Variants in PLXNA4 observed in about 807,000 individuals in gnomAD.
The protein encoded by PLXNA4 is plexin A4.
In PLXNA4, 44 loss-of-function variants were observed where a neutral mutation model predicts 191.8. The observed-to-expected ratio is 0.23, with a 90% confidence interval of 0.18 to 0.29. The LOEUF (loss-of-function observed/expected upper bound fraction) is 0.29, where lower values mean the gene tolerates loss of function less well. Ranked by LOEUF, PLXNA4 falls within the 10% of genes least tolerant of loss-of-function variation. The pLI is 1.00. For synonymous variants in PLXNA4, 1,082 were observed against 1,009.5 expected (o/e 1.07, Z -1.36); for missense variants, 1,800 against 2,488.8 (o/e 0.72, Z 5.89).
At chr7:132,281,326 A>G (rs936631389) in intron 4 of PLXNA4, among the ~76,000 whole-genome samples, 2 of 152,182 alleles carry the variant, frequency 1.3e-5, no homozygotes, top group Admixed American at 1.3e-4. Context: ...TCATGCACCA[A>G]TTATGTGAAG....
intron 3 of PLXNA4, among the ~76,000 whole-genome samples, chr7:132,469,891 T>C (rs1796868609): frequency 6.6e-6 from 1 of 152,222 alleles, no homozygotes; most frequent in Non-Finnish European, 1.5e-5. Flanking sequence ...ACAGTTTCCC[T>C]TGATCAGTAA....
At chr7:132,322,818 G>T (rs1399368456) in intron 3 of PLXNA4, among the ~76,000 whole-genome samples, 1 of 152,184 alleles carries the variant, frequency 6.6e-6, no homozygotes, top group African/African-American at 2.4e-5. Flanking sequence ...AGATGCTCAG[G>T]AAGAAAGGGA....
At chr7:132,260,676 A>T (rs1227242285) in intron 4 of PLXNA4, among the ~76,000 whole-genome samples, 1 of 137,168 alleles carries the variant, frequency 7.3e-6, no homozygotes, top group Non-Finnish European at 1.5e-5. Flanking sequence ...AATAAAAATT[A>T]AAAAAAAAAA....
intron 3 of PLXNA4, among the ~76,000 whole-genome samples, chr7:132,330,365 C>T (rs1304693348): frequency 6.6e-6 from 1 of 152,176 alleles, no homozygotes; most frequent in Non-Finnish European, 1.5e-5. Context: ...GAGTAACCAT[C>T]AGAATCAGGA....
intron 25 of PLXNA4, among the ~76,000 whole-genome samples, chr7:132,159,242 G>A (rs1334381760): frequency 6.6e-6 from 1 of 152,112 alleles, no homozygotes; most frequent in African/African-American, 2.4e-5. Context: ...CTACCAAGTG[G>A]CCCGTGGACC....
chr7:132,435,544 G>A (rs981860448), intron 3 of PLXNA4, among the ~76,000 whole-genome samples: 1 of 152,164 alleles, frequency 6.6e-6, no homozygotes, highest in Non-Finnish European at 1.5e-5. Context: ...AGGCTCACAG[G>A]GGAGGTGAGA....
chr7:132,606,744 C>T (rs1802931530), intron 2 of PLXNA4, among the ~76,000 whole-genome samples: 1 of 152,182 alleles, frequency 6.6e-6, no homozygotes, highest in South Asian at 2.1e-4. Context: ...CAGGGCCACC[C>T]CTGACTTTAA....
chr7:132,338,812 C>T (rs1802915728), intron 3 of PLXNA4, among the ~76,000 whole-genome samples: 1 of 152,200 alleles, frequency 6.6e-6, no homozygotes, highest in South Asian at 2.1e-4. Flanking sequence ...CAACCACCCA[C>T]TTCCCTCGTC....
At chr7:132,485,241 G>C (rs1585205354) in intron 3 of PLXNA4, among the ~76,000 whole-genome samples, 1 of 152,322 alleles carries the variant, frequency 6.6e-6, no homozygotes, top group African/African-American at 2.4e-5. Flanking sequence ...AGCAGGGCCA[G>C]CCAGAGTTCC....
At chr7:132,254,934 T>C (rs2116184478) in intron 4 of PLXNA4, among the ~76,000 whole-genome samples, 1 of 152,194 alleles carries the variant, frequency 6.6e-6, no homozygotes, top group South Asian at 2.1e-4. Context: ...TTGCTGGCCC[T>C]GGGGTGGAGA....
At chr7:132,401,369 C>A (rs1793977842) in intron 3 of PLXNA4, among the ~76,000 whole-genome samples, 1 of 152,166 alleles carries the variant, frequency 6.6e-6, no homozygotes, top group African/African-American at 2.4e-5. Flanking sequence ...TAGGTTGCAG[C>A]CTGAGCATCA....
intron 20 of PLXNA4, among the ~76,000 whole-genome samples, chr7:132,175,918 T>A (rs1465754754): frequency 6.6e-6 from 1 of 152,182 alleles, no homozygotes; most frequent in Non-Finnish European, 1.5e-5. Flanking sequence ...ATTTACATAA[T>A]CTCAAAAATA....
chr7:132,223,681 G>C (rs759054085), intron 8 of PLXNA4, 40 bp from the exon 9 acceptor site: 3 of 1,540,642 alleles, frequency 1.9e-6, no homozygotes, highest in Non-Finnish European at 2.7e-6. Flanking sequence ...TAAGAACCTG[G>C]ATGAGCCCAA....
chr7:132,566,459 T>C (rs1801727821), intron 1 of PLXNA4, among the ~76,000 whole-genome samples: 1 of 152,186 alleles, frequency 6.6e-6, no homozygotes, highest in African/African-American at 2.4e-5. Flanking sequence ...AGCCTTTTCT[T>C]GGATGGCAAA....
intron 23 of PLXNA4, among the ~76,000 whole-genome samples, chr7:132,164,692 A>T (rs1043671830): frequency 2.0e-5 from 3 of 152,190 alleles, no homozygotes; most frequent in Non-Finnish European, 4.4e-5. Flanking sequence ...TAATAATTGG[A>T]AGCTGAGCCT....
intron 3 of PLXNA4, among the ~76,000 whole-genome samples, chr7:132,480,080 A>T (rs1051879172): frequency 2.6e-5 from 4 of 152,256 alleles, no homozygotes; most frequent in Non-Finnish European, 5.9e-5. Context: ...ATAAAGAAAT[A>T]GCAAAGCCAA....
chr7:132,637,605 T>G (rs1803633578), intron 2 of PLXNA4, among the ~76,000 whole-genome samples: 1 of 152,244 alleles, frequency 6.6e-6, no homozygotes, highest in Non-Finnish European at 1.5e-5. Flanking sequence ...AAAGAAGCCA[T>G]GCTTGTCTTC....
chr7:132,639,577 A>T (rs554685048), intron 2 of PLXNA4, among the ~76,000 whole-genome samples: 18 of 152,350 alleles, frequency 1.2e-4, no homozygotes, highest in Admixed American at 3.3e-4. Flanking sequence ...AAGAACATTT[A>T]TCTTTCCAGG....
intron 1 of PLXNA4, among the ~76,000 whole-genome samples, chr7:132,525,673 T>A (rs1386239779): frequency 6.6e-6 from 1 of 152,184 alleles, no homozygotes; most frequent in East Asian, 1.9e-4. Flanking sequence ...CAAATGCCTG[T>A]CAAGCCTTTT....
Sources: allele counts gnomAD v4.1 joint callset (sites outside exome capture counted in the v4.1 genomes callset), GRCh38; gene constraint gnomAD v4.1.1; transcripts MANE v1.5; gene names NCBI Gene and HGNC (gene_info 2026-07-23, HGNC 2026-07-21).